Variants in XRCC5 observed in about 807,000 individuals in gnomAD.
XRCC5 encodes the protein DNA repair protein Ku80.
XRCC5 carries 12 observed loss-of-function variants against 95.7 expected under a neutral mutation model. That is an observed-to-expected ratio of 0.13 (90% confidence interval 0.08 to 0.20). The LOEUF is 0.20. Ranked by LOEUF, XRCC5 falls within the 10% of genes least tolerant of loss-of-function variation. The probability of loss-of-function intolerance (pLI) is 1.00; values close to 1 mark genes in which losing one functional copy is unlikely to be tolerated. For synonymous variants in XRCC5, 281 were observed against 290.3 expected (o/e 0.97, Z 0.33); for missense variants, 595 against 873.9 (o/e 0.68, Z 4.02).
intron 19 of XRCC5, 95 bp from the exon 20 acceptor site, chr2:216,204,227 C>T (rs1285747530): frequency 7.1e-7 from 1 of 1,412,070 alleles, no homozygotes; most frequent in Non-Finnish European, 1.0e-6. Context: ...AAGCAGGCTG[C>T]CTTAGGTTTT....
rs527320812 is a variant in XRCC5 at position 216,117,641 on chromosome 2, A to C, written c.320-105A>C. 49 of 1,138,942 alleles carry C rather than the reference A, an allele frequency of 4.3e-5. No homozygotes were observed. The African/African-American group carries it at 5.8e-4, about 13-fold the overall frequency. 70.6% of individuals were successfully genotyped at this position (1,138,942 alleles called of 1,614,324 possible). A position where few individuals can be genotyped will look rare whatever the true frequency, so the allele number is the denominator to read the frequency against. ...TCAGGCAAGTACTTTAAGTCATCAC[A>C]TAGTTCAGTGTCCACAATTTCCAGC... is the stretch of plus-strand genomic sequence containing the variant. On this transcript the variant is annotated intron_variant, in intron 3 of 20. Transcript: ENST00000392132.
chr2:216,203,549 C>G (rs185228992), intron 19 of XRCC5, among the ~76,000 whole-genome samples: 1 of 152,292 alleles, frequency 6.6e-6, no homozygotes, highest in East Asian at 1.9e-4. Flanking sequence ...CCTCACTACC[C>G]TTTTAAAATC....
At chr2:216,123,770 C>T (rs1318725267) in intron 6 of XRCC5, among the ~76,000 whole-genome samples, 4 of 152,220 alleles carry the variant, frequency 2.6e-5, no homozygotes, top group Non-Finnish European at 5.9e-5. Flanking sequence ...CATGCCACTG[C>T]ACTCCAGCCT....
intron 16 of XRCC5, among the ~76,000 whole-genome samples, chr2:216,188,877 G>T (rs41302512): frequency 0.029 from 4,492 of 152,290 alleles, 99 homozygotes; most frequent in South Asian, 0.063. Context: ...TGAAATTGCA[G>T]GGAAATGTTT....
At chr2:216,140,438 A>G (rs752512750) in intron 12 of XRCC5, among the ~76,000 whole-genome samples, 11 of 152,170 alleles carry the variant, frequency 7.2e-5, no homozygotes, top group Non-Finnish European at 1.5e-4. Context: ...TTTTGGGAGA[A>G]TTGCCTTTCG....
intron 7 of XRCC5, among the ~76,000 whole-genome samples, chr2:216,127,277 C>CT (rs1696914650): frequency 6.6e-6 from 1 of 152,046 alleles, no homozygotes; most frequent in African/African-American, 2.4e-5. Context: ...ATTAGACAGT[C>CT]TGAGGTTTTG....
intron 16 of XRCC5, among the ~76,000 whole-genome samples, chr2:216,168,210 G>A (rs752625824): frequency 2.6e-5 from 4 of 152,194 alleles, no homozygotes; most frequent in Non-Finnish European, 4.4e-5. Flanking sequence ...GCCCAGAGTA[G>A]TTAGGATGAC....
intron 16 of XRCC5, among the ~76,000 whole-genome samples, chr2:216,181,937 AAAG>A (rs1384227202): frequency 6.6e-6 from 1 of 152,224 alleles, no homozygotes; most frequent in East Asian, 1.9e-4. Context: ...ATGAAAAGAA[AAAG>A]AAGAATCTGA....
intron 2 of XRCC5, among the ~76,000 whole-genome samples, 162 bp downstream of exon 2, chr2:216,113,291 A>G (rs932832322): frequency 6.6e-6 from 1 of 152,136 alleles, no homozygotes; most frequent in Non-Finnish European, 1.5e-5. Context: ...TTCACCTACC[A>G]CTAGAGTCTG....
At chr2:216,194,736 C>T (rs567174467) in intron 18 of XRCC5, among the ~76,000 whole-genome samples, 183 bp from the exon 19 acceptor site, 22 of 152,104 alleles carry the variant, frequency 1.4e-4, no homozygotes, top group African/African-American at 2.2e-4. Flanking sequence ...TTTGGGAGGC[C>T]GAGACGGGAG....
chr2:216,167,596 GTGTGTGTGTGTGTGTGTGA>G, intron 16 of XRCC5, among the ~76,000 whole-genome samples: 1 of 147,992 alleles, frequency 6.8e-6, no homozygotes, highest in East Asian at 2.3e-4. Context: ...GTGTGTGTGT[GTGTGTGTGTGTGTGTGTGA>G]TTTTTTTTAA....
At chr2:216,172,952 A>G (rs959324155) in intron 16 of XRCC5, among the ~76,000 whole-genome samples, 24 of 152,210 alleles carry the variant, frequency 1.6e-4, no homozygotes, top group African/African-American at 5.3e-4. Context: ...TGTACAAGCT[A>G]TACAGCTCTT....
At chr2:216,172,596 G>C (rs1485623413) in intron 16 of XRCC5, among the ~76,000 whole-genome samples, 1 of 151,188 alleles carries the variant, frequency 6.6e-6, no homozygotes, top group Non-Finnish European at 1.5e-5. Context: ...AGCCTCCTGA[G>C]TAGCTGGGAT....
chr2:216,197,190 T>A (rs547960600), intron 19 of XRCC5, among the ~76,000 whole-genome samples: 1 of 152,268 alleles, frequency 6.6e-6, no homozygotes, highest in Non-Finnish European at 1.5e-5. Flanking sequence ...TTCTTTGAAA[T>A]GTAAAGGCAC....
At chr2:216,112,598 C>T (rs186928151) in intron 1 of XRCC5, among the ~76,000 whole-genome samples, 91 of 152,302 alleles carry the variant, frequency 6.0e-4, no homozygotes, top group Admixed American at 2.7e-3. Context: ...AAATTATGCC[C>T]CGAATCAGTG....
intron 10 of XRCC5, among the ~76,000 whole-genome samples, chr2:216,135,840 A>T (rs1320686348): frequency 6.6e-6 from 1 of 151,374 alleles, no homozygotes; most frequent in Non-Finnish European, 1.5e-5. Context: ...CGGTGGCATT[A>T]TCAAAGACCG....
At position 216,187,861 on chromosome 2, in the gene XRCC5, T is replaced by TCTCTCCCCC. The variant is rs143232624; in HGVS notation, c.1835-2363_1835-2362insTCTCCCCCC. Among the ~76,000 whole-genome samples the TCTCTCCCCC allele has an allele frequency of 2.4e-4, 28 of 116,262 alleles. 1 individual carries two copies. Among genetic ancestry groups the TCTCTCCCCC allele is most frequent in the African/African-American group, 1.1e-3 (26 of 23,896 alleles). The allele number at this position is 116,262 out of a possible 152,430, so 76.3% of individuals were successfully genotyped here. ...CTCTCTCTCTCTCTCTCTCTCTCTC[T>TCTCTCCCCC]CCCCGTCTCCCTGTCTCTCCCTCTC... On this transcript the variant is annotated intron_variant, in intron 16 of 20. Transcript: ENST00000392132.
At chr2:216,138,315 C>G in intron 12 of XRCC5, 136 bp downstream of exon 12, 1 of 739,340 alleles carries the variant, frequency 1.4e-6, no homozygotes, top group Non-Finnish European at 2.3e-6. Flanking sequence ...CACTTAGACA[C>G]AGTAATGATG....
chr2:216,114,338 C>T (rs907799476), intron 2 of XRCC5, among the ~76,000 whole-genome samples: 29 of 152,030 alleles, frequency 1.9e-4, no homozygotes, highest in Non-Finnish European at 4.1e-4. Flanking sequence ...CTAGTACTTC[C>T]CACCTGTCAT....
Sources: gnomAD v4.1 joint callset for allele counts (sites outside exome capture counted in the v4.1 genomes callset) on GRCh38, gnomAD v4.1.1 for gene constraint, MANE v1.5 for transcripts, NCBI Gene and HGNC (gene_info 2026-07-23, HGNC 2026-07-21) for gene names.